The following PLXDC2 variants were observed in gnomAD, a reference collection of about 807,000 sequenced individuals.
PLXDC2 encodes the protein plexin domain containing 2.
In PLXDC2, 40 loss-of-function variants were observed where a neutral mutation model predicts 68.9. That is an observed-to-expected ratio of 0.58 (90% CI 0.45 to 0.76). The LOEUF (loss-of-function observed/expected upper bound fraction) is 0.76. Ranked by LOEUF, PLXDC2 falls within the 30% of genes least tolerant of loss-of-function variation. The pLI, the probability that PLXDC2 is intolerant of heterozygous loss-of-function variation, is 0.00. For missense variants in PLXDC2, 644 were observed against 661.9 expected (o/e 0.97, Z 0.30); for synonymous variants, 243 against 234.2 (o/e 1.04, Z -0.34).
At chr10:20,132,758 T>C (rs946038976) in intron 4 of PLXDC2, among the ~76,000 whole-genome samples, 3 of 81,890 alleles carry the variant, frequency 3.7e-5, no homozygotes, top group South Asian at 3.9e-4. Flanking sequence ...AAAGAACATA[T>C]AGTTTGATCT....
intron 1 of PLXDC2, among the ~76,000 whole-genome samples, chr10:19,871,192 A>G (rs1837527927): frequency 6.6e-6 from 1 of 152,226 alleles, no homozygotes; most frequent in African/African-American, 2.4e-5. Context: ...TTCTTCCTAA[A>G]GAACAGCACC....
intron 13 of PLXDC2, among the ~76,000 whole-genome samples, chr10:20,278,183 A>G (rs907185669): frequency 8.5e-5 from 13 of 152,190 alleles, no homozygotes; most frequent in African/African-American, 3.1e-4. Context: ...GCTAGGTGGC[A>G]GGGTTGTTCT....
chr10:20,009,556 A>G (rs533521996), intron 2 of PLXDC2, among the ~76,000 whole-genome samples: 1 of 152,084 alleles, frequency 6.6e-6, no homozygotes, highest in African/African-American at 2.4e-5. Flanking sequence ...TGGCTTCCAC[A>G]GAAGATGAGA....
intron 9 of PLXDC2, among the ~76,000 whole-genome samples, chr10:20,184,400 C>G (rs1471989981): frequency 6.7e-6 from 1 of 148,364 alleles, no homozygotes; most frequent in Admixed American, 6.8e-5. Flanking sequence ...AAATTGTATA[C>G]AAACGATATA....
At position 19,916,141 on chromosome 10, in the gene PLXDC2, T is replaced by G. The variant is rs545867602; in HGVS notation, c.113-85634T>G. Among the ~76,000 whole-genome samples the G allele has an allele frequency of 1.3e-3, 201 of 149,352 alleles. 1 individual carries two copies. The highest frequency in any genetic ancestry group is 2.3e-3 in the Non-Finnish European group (156 of 67,206). On this transcript the variant is annotated intron_variant, in intron 1 of 13. Transcript: ENST00000377252. Reference sequence around the variant, plus strand: ...AGGGAGTTGTGTTTTGTTTTGTTTTTTTTTTTTAATGGAGTCTCACTCTGT... The same window carrying G: ...AGGGAGTTGTGTTTTGTTTTGTTTTGTTTTTTTAATGGAGTCTCACTCTGT...
intron 6 of PLXDC2, among the ~76,000 whole-genome samples, chr10:20,149,215 T>TC (rs1834119185): frequency 5.2e-4 from 1 of 1,930 alleles, no homozygotes; most frequent in Non-Finnish European, 3.7e-3. Context: ...TTTTTCTTTC[T>TC]TTTTTTTTCT....
intron 1 of PLXDC2, among the ~76,000 whole-genome samples, chr10:19,937,783 T>C (rs1833751520): frequency 6.6e-6 from 1 of 151,806 alleles, no homozygotes; most frequent in African/African-American, 2.4e-5. Flanking sequence ...AGAATTTCTT[T>C]CTAGATGAGG....
intron 1 of PLXDC2, among the ~76,000 whole-genome samples, chr10:19,911,821 A>G (rs1833276823): frequency 6.6e-6 from 1 of 152,142 alleles, no homozygotes; most frequent in South Asian, 2.1e-4. Context: ...ATATATTACA[A>G]TTTTTCTGTG....
At chr10:19,984,694 A>T (rs1399123886) in intron 1 of PLXDC2, among the ~76,000 whole-genome samples, 2 of 152,120 alleles carry the variant, frequency 1.3e-5, no homozygotes, top group Non-Finnish European at 2.9e-5. Context: ...GACACAGGAG[A>T]AATAGAATTA....
chr10:19,919,572 T>G (rs1165736089), intron 1 of PLXDC2, among the ~76,000 whole-genome samples: 1 of 152,226 alleles, frequency 6.6e-6, no homozygotes, highest in Non-Finnish European at 1.5e-5. Context: ...CAAAATGAAT[T>G]CAGAGAAAGA....
chr10:20,053,869 A>C (rs1044355568), intron 3 of PLXDC2, among the ~76,000 whole-genome samples: 1 of 152,126 alleles, frequency 6.6e-6, no homozygotes, highest in Non-Finnish European at 1.5e-5. Flanking sequence ...ACTGCCTCGC[A>C]GTGCGTTGTG....
At chr10:19,984,004 G>T (rs1834595672) in intron 1 of PLXDC2, among the ~76,000 whole-genome samples, 2 of 152,188 alleles carry the variant, frequency 1.3e-5, no homozygotes, top group African/African-American at 4.8e-5. Flanking sequence ...GTTTAAATGT[G>T]TTACTGAGAC....
chr10:19,818,976 G>A (rs1038701865), intron 1 of PLXDC2, among the ~76,000 whole-genome samples: 1 of 151,132 alleles, frequency 6.6e-6, no homozygotes, highest in African/African-American at 2.4e-5. Flanking sequence ...GCCAGCAAAT[G>A]TTTATCTTTT....
chr10:19,905,780 T>C (rs1833147751), intron 1 of PLXDC2, among the ~76,000 whole-genome samples: 1 of 152,170 alleles, frequency 6.6e-6, no homozygotes, highest in Admixed American at 6.5e-5. Flanking sequence ...CCTGGTGTCG[T>C]TGGATATAAG....
At chr10:19,990,105 T>G (rs1834722815) in intron 1 of PLXDC2, among the ~76,000 whole-genome samples, 1 of 152,098 alleles carries the variant, frequency 6.6e-6, no homozygotes, top group Admixed American at 6.6e-5. Context: ...TTTTTTTTAT[T>G]TATACAATGA....
At chr10:20,254,990 T>C (rs961157749) in intron 13 of PLXDC2, among the ~76,000 whole-genome samples, 1 of 152,236 alleles carries the variant, frequency 6.6e-6, no homozygotes, top group Admixed American at 6.5e-5. Flanking sequence ...TTTAAATTCC[T>C]GAAACTATAA....
intron 6 of PLXDC2, among the ~76,000 whole-genome samples, chr10:20,162,440 TCA>T (rs1834312559): frequency 1.3e-5 from 2 of 152,060 alleles, no homozygotes; most frequent in South Asian, 4.1e-4. Context: ...AAAACTGAAC[TCA>T]CAGAAGTTGG....
intron 12 of PLXDC2, among the ~76,000 whole-genome samples, chr10:20,230,515 C>CA (rs1333828849): frequency 6.6e-6 from 1 of 150,748 alleles, no homozygotes; most frequent in Non-Finnish European, 1.5e-5. Flanking sequence ...ACTAAAAATA[C>CA]AAAAAAATTA....
intron 9 of PLXDC2, among the ~76,000 whole-genome samples, chr10:20,186,614 T>G (rs1267107496): frequency 1.3e-5 from 2 of 151,942 alleles, no homozygotes; most frequent in African/African-American, 4.8e-5. Context: ...CCCCTCTTTG[T>G]GTTCACGTTT....
Sources: gnomAD v4.1 joint callset for allele counts (sites outside exome capture counted in the v4.1 genomes callset) on GRCh38, gnomAD v4.1.1 for gene constraint, MANE v1.5 for transcripts, NCBI Gene and HGNC (gene_info 2026-07-23, HGNC 2026-07-21) for gene names.